GRID1: variants seen among roughly 807,000 people sequenced by gnomAD.
The protein encoded by GRID1 is glutamate receptor ionotropic, delta-1.
In GRID1, 28 loss-of-function variants were observed where a neutral mutation model predicts 98.0. The observed-to-expected ratio is 0.29, with a 90% CI of 0.21 to 0.39. The LOEUF is 0.39. Among genes scored for constraint, GRID1 ranks in the 10% least tolerant of loss-of-function variants. GRID1 has a pLI of 1.00. For missense variants in GRID1, 1,111 were observed against 1,340.5 expected, an observed-to-expected ratio of 0.83 and a Z score of 2.67; for synonymous variants, 553 against 538.5, an observed-to-expected ratio of 1.03 and a Z score of -0.37.
chr10:86,310,955 G>T (rs1390466221), intron 2 of GRID1, among the ~76,000 whole-genome samples: 1 of 152,168 alleles, frequency 6.6e-6, no homozygotes, highest in Non-Finnish European at 1.5e-5. Flanking sequence ...CAGATTTCCA[G>T]GCAATCCATC....
intron 4 of GRID1, among the ~76,000 whole-genome samples, chr10:85,967,813 T>C (rs557927455): frequency 2.1e-4 from 32 of 152,284 alleles, no homozygotes; most frequent in African/African-American, 7.7e-4. Flanking sequence ...AATAAGATTG[T>C]CATCTGACTT....
chr10:86,016,427 C>A (rs749470232), intron 4 of GRID1, among the ~76,000 whole-genome samples: 1 of 151,882 alleles, frequency 6.6e-6, no homozygotes, highest in African/African-American at 2.4e-5. Context: ...GAGTGTAGGG[C>A]GGCAAATGTT....
chr10:86,103,223 C>T (rs1258588901), intron 4 of GRID1, among the ~76,000 whole-genome samples: 2 of 152,186 alleles, frequency 1.3e-5, no homozygotes, highest in East Asian at 3.9e-4. Context: ...GGTCAGCCCA[C>T]TAAGCCCCTG....
At chr10:86,271,871 A>G (rs1847190789) in intron 2 of GRID1, among the ~76,000 whole-genome samples, 1 of 152,212 alleles carries the variant, frequency 6.6e-6, no homozygotes, top group Non-Finnish European at 1.5e-5. Flanking sequence ...ATTTATAGAA[A>G]TAATTCATGA....
intron 3 of GRID1, among the ~76,000 whole-genome samples, chr10:86,181,420 T>C (rs1366530274): frequency 6.6e-6 from 1 of 152,104 alleles, no homozygotes; most frequent in Non-Finnish European, 1.5e-5. Flanking sequence ...GACACTAACA[T>C]GAACCCAGAG....
At chr10:86,208,350 C>A (rs1409167794) in intron 2 of GRID1, among the ~76,000 whole-genome samples, 5 of 152,136 alleles carry the variant, frequency 3.3e-5, no homozygotes, top group African/African-American at 2.4e-5. Flanking sequence ...CCCCTCCTAC[C>A]CCAGCTCCAG....
chr10:85,869,297 A>G (rs1004252873), intron 5 of GRID1, 117 bp from the exon 6 acceptor site: 7 of 831,990 alleles, frequency 8.4e-6, no homozygotes, highest in Non-Finnish European at 1.4e-5. Flanking sequence ...AGGGCAAGGG[A>G]TTGGGCCCAG....
At chr10:85,994,596 T>C (rs1842719193) in intron 4 of GRID1, among the ~76,000 whole-genome samples, 2 of 152,300 alleles carry the variant, frequency 1.3e-5, no homozygotes, top group Admixed American at 6.5e-5. Context: ...CTGGTTGGAA[T>C]ATGGATACAC....
At chr10:86,360,233 T>A (rs1307508361) in intron 2 of GRID1, among the ~76,000 whole-genome samples, 4 of 152,218 alleles carry the variant, frequency 2.6e-5, no homozygotes, top group Non-Finnish European at 5.9e-5. Flanking sequence ...TTACAAATAG[T>A]TCATAGTGAT....
At chr10:86,029,993 T>C (rs561215391) in intron 4 of GRID1, among the ~76,000 whole-genome samples, 2 of 152,374 alleles carry the variant, frequency 1.3e-5, no homozygotes, top group East Asian at 1.9e-4. Context: ...GAGCTATACA[T>C]GGTAGCACCT....
intron 10 of GRID1, among the ~76,000 whole-genome samples, chr10:85,725,601 A>G (rs1841752972): frequency 6.6e-6 from 1 of 152,184 alleles, no homozygotes; most frequent in Non-Finnish European, 1.5e-5. Flanking sequence ...GAGCACTGAA[A>G]GGCAGTCATC....
chr10:86,228,221 C>T (rs933240978), intron 2 of GRID1, among the ~76,000 whole-genome samples: 14 of 137,110 alleles, frequency 1.0e-4, no homozygotes, highest in Admixed American at 3.0e-4. Flanking sequence ...GAGTAGGTGG[C>T]CGGATGGATG....
intron 8 of GRID1, among the ~76,000 whole-genome samples, chr10:85,794,835 T>A (rs897952797): frequency 6.6e-6 from 1 of 152,202 alleles, no homozygotes; most frequent in Non-Finnish European, 1.5e-5. Context: ...CAAACACTGA[T>A]GTAGAAGTGT....
At chr10:85,684,113 A>T (rs1841241100) in intron 12 of GRID1, among the ~76,000 whole-genome samples, 1 of 152,254 alleles carries the variant, frequency 6.6e-6, no homozygotes, top group South Asian at 2.1e-4. Flanking sequence ...TGAATATCTT[A>T]GTCATTTTTA....
chr10:85,929,209 A>G (rs761774324), intron 4 of GRID1, among the ~76,000 whole-genome samples: 1 of 152,172 alleles, frequency 6.6e-6, no homozygotes, highest in Admixed American at 6.5e-5. Flanking sequence ...GTGTGTGGAG[A>G]TGCCCATTGT....
intron 8 of GRID1, among the ~76,000 whole-genome samples, chr10:85,791,268 C>T (rs1842477218): frequency 6.6e-6 from 1 of 152,200 alleles, no homozygotes; most frequent in Non-Finnish European, 1.5e-5. Flanking sequence ...CACACCCAGG[C>T]CATGAAAGAT....
At chr10:86,359,783 T>C (rs188003457) in intron 2 of GRID1, among the ~76,000 whole-genome samples, 105 of 152,366 alleles carry the variant, frequency 6.9e-4, no homozygotes, top group Middle Eastern at 3.4e-3. Flanking sequence ...AACTCCTACT[T>C]GAGCAAGCAC....
intron 12 of GRID1, among the ~76,000 whole-genome samples, chr10:85,716,651 C>T (rs1241206426): frequency 6.8e-6 from 1 of 147,182 alleles, no homozygotes; most frequent in African/African-American, 2.5e-5. Flanking sequence ...TATATATACA[C>T]ATATACAATG....
rs922524772 is a variant in GRID1, at chr10:85,880,706, C to G, written c.781-11526G>C. ...AAACTGGAAGCATTCCCTTTGAAAA[C>G]TGGCACAAGACAGGGATGCCCCCTC... is the stretch of plus-strand genomic sequence containing the variant. On this transcript the variant is annotated intron_variant, in intron 5 of 15. Transcript: ENST00000327946. Among the ~76,000 whole-genome samples, 3 of 152,040 alleles carry G rather than the reference C, an allele frequency of 2.0e-5. No homozygotes were observed. The South Asian group carries it at 6.2e-4, about 32-fold the overall frequency.
Sources: gnomAD v4.1 joint callset for allele counts (sites outside exome capture counted in the v4.1 genomes callset) on GRCh38, gnomAD v4.1.1 for gene constraint, MANE v1.5 for transcripts, NCBI Gene and HGNC (gene_info 2026-07-23, HGNC 2026-07-21) for gene names.